KIZ: variants seen among roughly 807,000 people sequenced by gnomAD.
The protein encoded by KIZ is kizuna centrosomal protein, also known as centrosomal protein kizuna.
Under a neutral mutation model 79.6 loss-of-function variants are expected in KIZ, and 68 were observed. That is an observed-to-expected ratio of 0.85 (90% CI 0.70 to 1.05). KIZ has a LOEUF of 1.05. KIZ is among the 50% of genes least tolerant of loss of function. The probability of loss-of-function intolerance (pLI) is 0.00; values close to 1 mark genes in which losing one functional copy is unlikely to be tolerated. For synonymous variants in KIZ, 280 were observed against 281.8 expected (o/e 0.99, Z 0.06); for missense variants, 797 against 800.4 (o/e 1.00, Z 0.05).
chr20:21,163,318 T>A (rs926460771), intron 6 of KIZ, among the ~76,000 whole-genome samples, 159 bp downstream of exon 6: 16 of 152,370 alleles, frequency 1.1e-4, no homozygotes, highest in African/African-American at 3.8e-4. Flanking sequence ...ATTTTCTTTC[T>A]GTCCTTCTTT....
intron 6 of KIZ, among the ~76,000 whole-genome samples, chr20:21,192,338 C>T (rs999346722): frequency 1.5e-5 from 2 of 129,768 alleles, no homozygotes; most frequent in African/African-American, 5.9e-5. Context: ...TTATTAGCGA[C>T]TGGGTTATAC....
chr20:21,173,370 G>C (rs1206628815), intron 6 of KIZ, among the ~76,000 whole-genome samples: 1 of 152,116 alleles, frequency 6.6e-6, no homozygotes, highest in East Asian at 1.9e-4. Flanking sequence ...TTGAGGTCAG[G>C]AGTTCAAGAC....
intron 6 of KIZ, among the ~76,000 whole-genome samples, chr20:21,168,937 A>G (rs532923042): frequency 2.0e-5 from 3 of 152,312 alleles, no homozygotes; most frequent in South Asian, 2.1e-4. Context: ...TTAATTCAAG[A>G]TGGATTAAAG....
chr20:21,243,905 T>A (rs2037303727), intron 11 of KIZ, among the ~76,000 whole-genome samples: 1 of 152,202 alleles, frequency 6.6e-6, no homozygotes, highest in Admixed American at 6.5e-5. Context: ...TCCAGAAGAC[T>A]GTTGAGGGAA....
intron 3 of KIZ, among the ~76,000 whole-genome samples, chr20:21,138,343 C>T (rs922837004): frequency 2.6e-5 from 4 of 152,056 alleles, no homozygotes; most frequent in Non-Finnish European, 5.9e-5. Context: ...CACAGCATCC[C>T]CTGTATTTCC....
At chr20:21,155,557 T>G (rs1396622764) in intron 4 of KIZ, among the ~76,000 whole-genome samples, 1 of 151,968 alleles carries the variant, frequency 6.6e-6, no homozygotes, top group Non-Finnish European at 1.5e-5. Flanking sequence ...CGCTAAAAGG[T>G]ATGGGGTTTC....
At chr20:21,241,866 T>C (rs1466073076) in intron 11 of KIZ, among the ~76,000 whole-genome samples, 2 of 152,206 alleles carry the variant, frequency 1.3e-5, no homozygotes, top group Non-Finnish European at 2.9e-5. Context: ...CCTTTTTTTT[T>C]CTGCTTCAGC....
At chr20:21,211,417 C>G (rs2036062285) in intron 7 of KIZ, among the ~76,000 whole-genome samples, 1 of 152,190 alleles carries the variant, frequency 6.6e-6, no homozygotes, top group Non-Finnish European at 1.5e-5. Flanking sequence ...ACTGACTTAG[C>G]CTTCAGACTG....
Position 21,229,062 on chromosome 20 carries a change from A to G in KIZ, c.1730A>G (p.Asn577Ser). ...AAGGCCACCCTTCAGGATAATACAA[A>G]TCAAACTGAAAACAGGTTTCAAAAG... Reference protein sequence around the residue: ...LKKATLQDNTNQTENRFQKTD... With the variant: ...LKKATLQDNTSQTENRFQKTD... The change falls in exon 10 of 13, where the codon AAT becomes AGT. Residue 577 changes from asparagine to serine, a missense_variant. Physicochemically the swap from Asn to Ser is conservative, Grantham distance 46 (BLOSUM62 1). Coordinates refer to ENST00000619189, the MANE Select transcript of KIZ (RefSeq NM_018474.6). The G allele has an allele frequency of 6.2e-7, 1 of 1,612,898 alleles. No individual in the cohort carries two copies. The highest frequency in any genetic ancestry group is 1.3e-5 in the African/African-American group (1 of 75,046).
chr20:21,137,105 G>C (rs192401444), intron 3 of KIZ, among the ~76,000 whole-genome samples: 166 of 152,304 alleles, frequency 1.1e-3, no homozygotes, highest in Middle Eastern at 0.01. Flanking sequence ...GTCTTGAAAG[G>C]GTTCTTTTTC....
In KIZ at chr20:21,215,632, A is replaced by G. The variant is rs1391832828; in HGVS notation, c.1662A>G (p.Ala554=). ...AGAGCAAGAAAGAAAATGTGGCTGC[A>G]GATATCCCAATCACAGGTAAAGCTA... ...GDKSKKENVA[A]DIPITETEAY... is the part of the protein sequence containing the mutation. The change falls in exon 9 of 13, where the codon GCA becomes GCG. Residue 554 remains alanine (A), a synonymous_variant. Coordinates refer to ENST00000619189, the MANE Select transcript of KIZ (RefSeq NM_018474.6). The G allele has an allele frequency of 1.9e-6, 3 of 1,604,758 alleles. No homozygotes were observed. The highest frequency in any genetic ancestry group is 1.7e-5 in the Admixed American group (1 of 59,736).
At chr20:21,160,975 A>G (rs1203379594) in intron 4 of KIZ, 1 of 152,868 alleles carries the variant, frequency 6.5e-6, no homozygotes, top group Non-Finnish European at 1.5e-5. Flanking sequence ...TCTGTTATTT[A>G]TGCACTGTTT....
At position 21,164,202 on chromosome 20, in the gene KIZ, C is replaced by A. The variant is rs184604605; in HGVS notation, c.1352+1043C>A. The stretch of plus-strand genomic sequence containing the variant: ...TACGGCATATGTTCTCTTTAGAACA[C>A]CATTGTACCTTTTAATATATTGCCT... On this transcript the variant is annotated intron_variant, in intron 6 of 12. Transcript: ENST00000619189. 2.6e-5 allele frequency among the ~76,000 whole-genome samples: 4 copies of A among 152,320 alleles called. No individual in the cohort carries two copies. In the East Asian group the frequency reaches 7.7e-4, roughly 29 times the overall value.
chr20:21,164,877 C>G (rs959438960), intron 6 of KIZ, among the ~76,000 whole-genome samples: 1 of 152,062 alleles, frequency 6.6e-6, no homozygotes, highest in African/African-American at 2.4e-5. Flanking sequence ...GTGGTTGTTT[C>G]TGTGTCTGTA....
intron 4 of KIZ, among the ~76,000 whole-genome samples, chr20:21,155,651 A>AT (rs1195218552): frequency 2.0e-5 from 3 of 152,170 alleles, no homozygotes; most frequent in Middle Eastern, 3.2e-3. Context: ...AACCCACTGA[A>AT]TTGTATGCTT....
At chr20:21,151,489 A>G (rs1479536776) in intron 4 of KIZ, 8 of 152,224 alleles carry the variant, frequency 5.3e-5, no homozygotes, top group African/African-American at 1.7e-4. Context: ...GGGGAAGAGA[A>G]AAAAAGTGGA....
chr20:21,182,527 G>A (rs1055423254), intron 6 of KIZ, among the ~76,000 whole-genome samples: 4 of 152,178 alleles, frequency 2.6e-5, no homozygotes, highest in Admixed American at 2.6e-4. Flanking sequence ...CAGGCGCAGT[G>A]GCTCAGCCCT....
chr20:21,131,982 T>A, intron 1 of KIZ, 115 bp from the exon 2 acceptor site: 1 of 600,824 alleles, frequency 1.7e-6, no homozygotes, highest in Non-Finnish European at 3.0e-6. Flanking sequence ...TTGGGCTTTT[T>A]TTGACCTCTA....
chr20:21,178,406 T>C (rs552810968), intron 6 of KIZ, among the ~76,000 whole-genome samples: 10 of 151,788 alleles, frequency 6.6e-5, no homozygotes, highest in African/African-American at 2.4e-4. Flanking sequence ...GAAACACAAC[T>C]GATTTTTGTA....
Sources: allele counts gnomAD v4.1 joint callset (sites outside exome capture counted in the v4.1 genomes callset), GRCh38; gene constraint gnomAD v4.1.1; transcripts MANE v1.5; gene names NCBI Gene and HGNC (gene_info 2026-07-23, HGNC 2026-07-21).